AGBL2: variants seen among roughly 807,000 people sequenced by gnomAD.
AGBL2 encodes the protein AGBL carboxypeptidase 2, also known as cytosolic carboxypeptidase 2.
A neutral mutation model predicts 103.0 loss-of-function variants in AGBL2; 87 were observed. The ratio of observed to expected loss-of-function variants is 0.84; its 90% CI spans 0.71 to 1.01. AGBL2 has a LOEUF of 1.01. Among genes scored for constraint, AGBL2 ranks in the 50% least tolerant of loss-of-function variants. The probability of loss-of-function intolerance (pLI) is 0.00; values close to 1 mark genes in which losing one functional copy is unlikely to be tolerated. For synonymous variants in AGBL2, 335 were observed against 356.7 expected (o/e 0.94, Z 0.69); for missense variants, 904 against 1,023.5 (o/e 0.88, Z 1.59).
intron 12 of AGBL2, 87 bp from the exon 13 acceptor site, chr11:47,680,160 T>G: frequency 1.1e-6 from 1 of 895,220 alleles, no homozygotes; most frequent in Non-Finnish European, 1.7e-6. Context: ...TTTTTAAAAA[T>G]ACCACCACTG....
intron 7 of AGBL2, among the ~76,000 whole-genome samples, chr11:47,702,566 G>T (rs138301477): frequency 6.6e-6 from 1 of 152,076 alleles, no homozygotes; most frequent in Admixed American, 6.6e-5. Flanking sequence ...ATATTATAAA[G>T]CAGGGAGACA....
intron 8 of AGBL2, among the ~76,000 whole-genome samples, chr11:47,692,568 C>A (rs1381433844): frequency 6.6e-6 from 1 of 151,330 alleles, no homozygotes; most frequent in Non-Finnish European, 1.5e-5. Flanking sequence ...CCCACCACCA[C>A]GCCTGGCTAA....
chr11:47,685,898 C>T lies in AGBL2; in HGVS notation c.1783G>A (p.Asp595Asn). 6.2e-7 allele frequency: 1 copy of T among 1,613,914 alleles called. No homozygotes were observed. Among genetic ancestry groups the T allele is most frequent in the Non-Finnish European group, 8.5e-7 (1 of 1,179,930 alleles). Residue 595 changes from aspartate (D) to asparagine (N), a missense_variant, in exon 11 of 19, where the codon GAT (aspartate) becomes AAT (asparagine). Transcript: ENST00000525123. ...AAATTACATTATGTGCTTACCTTATCTGGTGCATTTTTGCATAACATTAAA... is the reference window on the plus strand; with the variant it reads ...AAATTACATTATGTGCTTACCTTATTTGGTGCATTTTTGCATAACATTAAA... ...FPLMLCKNAP[D>N]KFSFHSCNFK... is the part of the protein sequence containing the mutation.
Position 47,682,038 on chromosome 11 carries a change from C to T in AGBL2, c.1846G>A (p.Val616Ile). The part of the protein sequence containing the change: ...VQKCKEGTGR[V>I]VMWRMGILNS... Reference sequence around the variant, plus strand: ...AGGATTCCCATCCGCCACATAACAACTCGTCCTGTTCCTTCTTTGCATTTT... The same window carrying T: ...AGGATTCCCATCCGCCACATAACAATTCGTCCTGTTCCTTCTTTGCATTTT... Residue 616 changes from valine to isoleucine, a missense_variant, in exon 12 of 19, where the codon GTT (valine) becomes ATT (isoleucine). Coordinates refer to ENST00000525123, the MANE Select transcript of AGBL2 (RefSeq NM_024783.4). The T allele has an allele frequency of 6.2e-7, 1 of 1,614,182 alleles. No individual in the cohort carries two copies. The highest frequency in any genetic ancestry group is 8.5e-7 in the Non-Finnish European group (1 of 1,180,026).
intron 11 of AGBL2, among the ~76,000 whole-genome samples, chr11:47,685,683 A>G (rs937267482): frequency 2.6e-5 from 4 of 151,984 alleles, no homozygotes; most frequent in African/African-American, 4.8e-5. Flanking sequence ...TGGCCCCCCA[A>G]AGTGCTGGGA....
chr11:47,660,526 C>A (rs2097325306), intron 18 of AGBL2, among the ~76,000 whole-genome samples, 180 bp from the exon 19 acceptor site: 1 of 151,138 alleles, frequency 6.6e-6, no homozygotes, highest in Non-Finnish European at 1.5e-5. Flanking sequence ...GTCCTGGTCC[C>A]TTAGCCAAAT....
At chr11:47,669,912 C>T (rs565797154) in intron 14 of AGBL2, among the ~76,000 whole-genome samples, 1 of 152,084 alleles carries the variant, frequency 6.6e-6, no homozygotes, top group South Asian at 2.1e-4. Flanking sequence ...TACCCGGTAC[C>T]CAAAAAAGAA....
intron 15 of AGBL2, 142 bp from the exon 16 acceptor site, chr11:47,667,838 C>T: frequency 1.1e-6 from 1 of 900,654 alleles, no homozygotes; most frequent in Non-Finnish European, 1.7e-6. Flanking sequence ...AATAAACAAA[C>T]AGTTCAGTTC....
chr11:47,672,101 C>T lies in AGBL2; in HGVS notation c.2148-3194G>A, dbSNP rs79796898. 1.1e-4 allele frequency among the ~76,000 whole-genome samples: 17 copies of T among 152,182 alleles called. No individual in the cohort carries two copies. The East Asian group carries it at 3.3e-3, about 29-fold the overall frequency. ...GTTTCTGAATTGGTTCCCCTTGGGCCCTATTTATTTCTTTTTAAATTTTTT... is the reference window on the plus strand; with the variant it reads ...GTTTCTGAATTGGTTCCCCTTGGGCTCTATTTATTTCTTTTTAAATTTTTT... On this transcript the variant is annotated intron_variant, in intron 14 of 18. Transcript: ENST00000525123.
intron 14 of AGBL2, 73 bp downstream of exon 14, chr11:47,677,198 A>G (rs779634682): frequency 2.0e-4 from 253 of 1,257,414 alleles, no homozygotes; most frequent in Non-Finnish European, 2.4e-4. Context: ...TGTAGAGACA[A>G]CATCTCACTA....
At chr11:47,695,293 A>G (rs984481509) in intron 8 of AGBL2, among the ~76,000 whole-genome samples, 1 of 151,196 alleles carries the variant, frequency 6.6e-6, no homozygotes, top group African/African-American at 2.4e-5. Flanking sequence ...TGGCTGAAAT[A>G]GTGAAACCCT....
intron 8 of AGBL2, among the ~76,000 whole-genome samples, chr11:47,698,446 A>G (rs1431155652): frequency 6.6e-5 from 10 of 152,234 alleles, no homozygotes; most frequent in Admixed American, 6.5e-4. Context: ...TGCTGGGATT[A>G]TAGGCGTGAG....
chr11:47,691,729 A>AAAAAAAAAAAAAAAAAATATACATAT, intron 9 of AGBL2, among the ~76,000 whole-genome samples: 1 of 4,850 alleles, frequency 2.1e-4, no homozygotes, highest in Non-Finnish European at 3.6e-4. Context: ...AAAAAAAAAA[A>AAAAAAAAAAAAAAAAAATATACATAT]ATATATATAT....
chr11:47,660,135 C>T lies in AGBL2; in HGVS notation c.*38G>A. 1.3e-6 allele frequency: 2 copies of T among 1,568,884 alleles called. No individual in the cohort carries two copies. The highest frequency in any genetic ancestry group is 1.9e-5 in the Admixed American group (1 of 51,734). On this transcript the variant is annotated 3_prime_UTR_variant, in exon 19 of 19. Transcript: ENST00000525123. The stretch of plus-strand genomic sequence containing the variant: ...TATAAAATGTGTCTAATCTCAAAAC[C>T]CCCGATGAAGTGCTTGTGTGGCACA...
At chr11:47,662,489 C>T (rs558189960) in intron 18 of AGBL2, among the ~76,000 whole-genome samples, 48 of 128,286 alleles carry the variant, frequency 3.7e-4, no homozygotes, top group African/African-American at 1.1e-3. Context: ...CAAACTTACT[C>T]GTTCACTTTT....
intron 14 of AGBL2, among the ~76,000 whole-genome samples, chr11:47,671,477 G>A (rs938162272): frequency 1.3e-5 from 2 of 152,088 alleles, no homozygotes; most frequent in African/African-American, 2.4e-5. Flanking sequence ...GCAGTGAGCC[G>A]AGATCGCACC....
At chr11:47,710,616 C>A in intron 3 of AGBL2, 105 bp from the exon 4 acceptor site, 1 of 1,341,018 alleles carries the variant, frequency 7.5e-7, no homozygotes, top group Non-Finnish European at 1.1e-6. Flanking sequence ...CCCACCACCA[C>A]AGCCCTTTGC....
At chr11:47,705,938 C>A in intron 4 of AGBL2, 21 bp from the exon 5 acceptor site, 2 of 1,611,522 alleles carry the variant, frequency 1.2e-6, no homozygotes, top group Middle Eastern at 1.7e-4. Flanking sequence ...GAAGAGGAGG[C>A]ACCCTTGGTG....
intron 18 of AGBL2, among the ~76,000 whole-genome samples, chr11:47,661,442 T>C (rs944375268): frequency 4.6e-5 from 7 of 152,190 alleles, no homozygotes; most frequent in African/African-American, 1.7e-4. Flanking sequence ...TTTTCTGTCA[T>C]AATATGGTGA....
Sources: allele counts gnomAD v4.1 joint callset (sites outside exome capture counted in the v4.1 genomes callset), GRCh38; gene constraint gnomAD v4.1.1; transcripts MANE v1.5; gene names NCBI Gene and HGNC (gene_info 2026-07-23, HGNC 2026-07-21).